SYNE2: variants seen among roughly 807,000 people sequenced by gnomAD.
SYNE2 encodes the protein nesprin-2.
SYNE2 carries 431 observed loss-of-function variants against 856.3 expected under a neutral mutation model. The observed-to-expected ratio is 0.50, with a 90% CI of 0.47 to 0.55. The LOEUF (loss-of-function observed/expected upper bound fraction) is 0.55, where lower values mean the gene tolerates loss of function less well. Ranked by LOEUF, SYNE2 falls within the 20% of genes least tolerant of loss-of-function variation. The pLI is 0.00. For synonymous variants in SYNE2, 2,923 were observed against 2,872.3 expected (o/e 1.02, Z -0.56); for missense variants, 8,129 against 8,023.2 (o/e 1.01, Z -0.50).
In SYNE2 at chr14:64,070,743, G is replaced by A; in HGVS notation, c.10530G>A (p.Leu3510=). The change falls in exon 52 of 116, where the codon CTG becomes CTA. Residue 3510 remains leucine, a synonymous_variant. Transcript: ENST00000555002. The part of the protein sequence containing the change: ...EAATTEELSE[L]LDCLCQYGEN... Reference sequence around the variant, plus strand: ...CCACCACAGAGGAACTCTCTGAGCTGCTAGACTGTTTATGCCAATATGGAG... The same window carrying A: ...CCACCACAGAGGAACTCTCTGAGCTACTAGACTGTTTATGCCAATATGGAG... 6.2e-7 allele frequency: 1 copy of A among 1,614,198 alleles called. No individual in the cohort carries two copies. The highest frequency in any genetic ancestry group is 8.5e-7 in the Non-Finnish European group (1 of 1,180,024).
Position 63,941,926 on chromosome 14 carries a change from T to C in SYNE2, c.279T>C (p.Asn93=). The change falls in exon 5 of 116, where the codon AAT becomes AAC. Residue 93 remains asparagine (N), a synonymous_variant. Transcript: ENST00000555002. ...CTAATACCTTCCAGTGTAGAATCAA[T>C]ATAGAACATGCCTTGACATTCCTAA... ...KGSNTFQCRI[N]IEHALTFLRN... The C allele has an allele frequency of 6.2e-7, 1 of 1,613,290 alleles. No individual in the cohort carries two copies. Among genetic ancestry groups the C allele is most frequent in the Non-Finnish European group, 8.5e-7 (1 of 1,179,958 alleles).
chr14:64,062,959 G>A (rs2097329069), intron 50 of SYNE2, 64 bp downstream of exon 50: 3 of 1,595,140 alleles, frequency 1.9e-6, no homozygotes, highest in South Asian at 2.2e-5. Context: ...AACTGGCAGA[G>A]GCAGCAGAGA....
intron 8 of SYNE2, among the ~76,000 whole-genome samples, chr14:63,958,913 G>T (rs1305443048): frequency 6.6e-6 from 1 of 152,068 alleles, no homozygotes; most frequent in Non-Finnish European, 1.5e-5. Flanking sequence ...TCAAAGTTTT[G>T]TCCACTAGGA....
intron 1 of SYNE2, among the ~76,000 whole-genome samples, chr14:63,767,425 A>T (rs865802659): frequency 5.9e-5 from 9 of 152,068 alleles, no homozygotes; most frequent in African/African-American, 1.7e-4. Flanking sequence ...TTTATTTTTT[A>T]AATTTTTCTT....
intron 2 of SYNE2, among the ~76,000 whole-genome samples, chr14:63,935,563 A>G (rs376971785): frequency 2.8e-4 from 43 of 152,364 alleles, no homozygotes; most frequent in African/African-American, 7.9e-4. Context: ...TCAATTCACT[A>G]TGACTATTAG....
At chr14:63,781,518 T>C (rs913351713) in intron 1 of SYNE2, among the ~76,000 whole-genome samples, 1 of 151,354 alleles carries the variant, frequency 6.6e-6, no homozygotes, top group African/African-American at 2.4e-5. Context: ...GGAGTCTCGC[T>C]CTGTCGCCCA....
chr14:63,788,725 G>A (rs1887631196), intron 1 of SYNE2, among the ~76,000 whole-genome samples: 1 of 152,224 alleles, frequency 6.6e-6, no homozygotes, highest in Admixed American at 6.5e-5. Flanking sequence ...CCACTGCCTG[G>A]CTTATTTCAC....
intron 16 of SYNE2, 27 bp from the exon 17 acceptor site, chr14:63,982,603 A>G (rs186434967): frequency 3.1e-6 from 5 of 1,609,228 alleles, no homozygotes; most frequent in East Asian, 4.5e-5. Context: ...TGTCATTAAG[A>G]TAGTGTGTTG....
At chr14:64,175,271 A>C (rs970260465) in intron 95 of SYNE2, 133 bp downstream of exon 95, 7 of 951,422 alleles carry the variant, frequency 7.4e-6, no homozygotes, top group Non-Finnish European at 1.1e-5. Context: ...GTAATCTGTA[A>C]GTCATGCCAG....
intron 45 of SYNE2, among the ~76,000 whole-genome samples, chr14:64,035,624 C>A (rs940222346): frequency 6.8e-6 from 1 of 148,110 alleles, no homozygotes; most frequent in Non-Finnish European, 1.5e-5. Flanking sequence ...TCTAACGTAA[C>A]CCTTTTATTT....
chr14:63,932,243 G>A (rs188794008), intron 2 of SYNE2, among the ~76,000 whole-genome samples: 99 of 152,100 alleles, frequency 6.5e-4, no homozygotes, highest in African/African-American at 2.3e-3. Flanking sequence ...TTAGCTGGGC[G>A]TGGTGATGAG....
At chr14:63,948,557 G>T (rs1352986985) in intron 6 of SYNE2, among the ~76,000 whole-genome samples, 3 of 151,230 alleles carry the variant, frequency 2.0e-5, no homozygotes, top group African/African-American at 7.3e-5. Context: ...AGCTACTCAG[G>T]AGGCTGAGGC....
chr14:63,979,034 G>A lies in SYNE2; in HGVS notation c.1569+20G>A. 1 of 1,612,322 alleles carries A rather than the reference G, an allele frequency of 6.2e-7. No homozygotes were observed. Among genetic ancestry groups the A allele is most frequent in the East Asian group, 2.2e-5 (1 of 44,778 alleles). ...TGGCATGTAAGCTTTTCAATTTTGT[G>A]TCTTAGGCAACTCCTCCATCTCTGG... On this transcript the variant is annotated intron_variant, in intron 14 of 115. Coordinates refer to ENST00000555002, the MANE Select transcript of SYNE2 (RefSeq NM_182914.3).
chr14:64,144,785 C>CA (rs1170702162), intron 83 of SYNE2, among the ~76,000 whole-genome samples: 3 of 152,172 alleles, frequency 2.0e-5, no homozygotes, highest in East Asian at 3.9e-4. Context: ...GATAGTCCTT[C>CA]AAAAAAGTAA....
chr14:63,831,507 T>C (rs1889665726), intron 1 of SYNE2, among the ~76,000 whole-genome samples: 3 of 151,792 alleles, frequency 2.0e-5, no homozygotes, highest in Non-Finnish European at 4.4e-5. Flanking sequence ...TCATTTCTCA[T>C]TGACTTCTGG....
intron 18 of SYNE2, among the ~76,000 whole-genome samples, chr14:63,985,276 G>A (rs1032107616): frequency 4.2e-5 from 6 of 141,454 alleles, no homozygotes; most frequent in African/African-American, 1.6e-4. Flanking sequence ...GTTGCCGTGA[G>A]CCAAGATTGC....
chr14:64,109,685 C>T (rs574513344), intron 65 of SYNE2, among the ~76,000 whole-genome samples: 5 of 152,104 alleles, frequency 3.3e-5, no homozygotes, highest in Non-Finnish European at 7.4e-5. Flanking sequence ...GGAATTTGTC[C>T]ACTTCTGATT....
At chr14:63,999,131 C>A in intron 27 of SYNE2, 91 bp downstream of exon 27, 1 of 1,231,098 alleles carries the variant, frequency 8.1e-7, no homozygotes, top group Non-Finnish European at 1.2e-6. Context: ...CTGTTGAGGT[C>A]ACATATGCTA....
At chr14:64,093,584 T>C (rs371630144) in intron 61 of SYNE2, 104 bp downstream of exon 61, 13 of 1,200,898 alleles carry the variant, frequency 1.1e-5, no homozygotes, top group East Asian at 4.7e-5. Flanking sequence ...AGTGGTGCAG[T>C]GTAACACCTG....
Sources: allele counts gnomAD v4.1 joint callset (sites outside exome capture counted in the v4.1 genomes callset), GRCh38; gene constraint gnomAD v4.1.1; transcripts MANE v1.5; gene names NCBI Gene and HGNC (gene_info 2026-07-23, HGNC 2026-07-21).